NXF3: variants seen among roughly 807,000 people sequenced by gnomAD.
NXF3 encodes the protein nuclear RNA export factor 3, also known as TAP-like protein 3.
In NXF3, 34 loss-of-function variants were observed where a neutral mutation model predicts 48.4. The observed-to-expected ratio is 0.70, with a 90% CI of 0.53 to 0.93. NXF3 has a LOEUF of 0.93. NXF3 is among the 40% of genes least tolerant of loss of function. The pLI, the probability that NXF3 is intolerant of heterozygous loss-of-function variation, is 0.00. For missense variants in NXF3, 359 were observed against 406.1 expected (o/e 0.88, Z 1.00); for synonymous variants, 132 against 145.7 (o/e 0.91, Z 0.68).
At chrX:103,091,627 C>T (rs1351117166) in intron 1 of NXF3, among the ~76,000 whole-genome samples, 1 of 110,158 alleles carries the variant, frequency 9.1e-6, no homozygotes, top group Non-Finnish European at 1.9e-5. Flanking sequence ...GACAACTGTA[C>T]TTATTTACCT....
intron 16 of NXF3, 24 bp downstream of exon 16, chrX:103,079,197 G>A: frequency 8.3e-7 from 1 of 1,205,868 alleles, no homozygotes; most frequent in Non-Finnish European, 1.1e-6. Context: ...GGGGATCTGG[G>A]GAAGGGACTC....
At chrX:103,087,864 T>C (rs1922190766) in intron 1 of NXF3, 1 of 978,536 alleles carries the variant, frequency 1.0e-6, no homozygotes, top group Non-Finnish European at 1.4e-6. Flanking sequence ...AAAAAGGTTT[T>C]AAGATTCAAA....
intron 1 of NXF3, among the ~76,000 whole-genome samples, chrX:103,086,631 C>A (rs1922162010): frequency 9.3e-6 from 1 of 107,777 alleles, no homozygotes; most frequent in African/African-American, 3.4e-5. Flanking sequence ...AGAAATTAAA[C>A]TTAAGTATTC....
At chrX:103,080,460 G>A (rs979768244) in intron 10 of NXF3, 116 bp downstream of exon 10, 1 of 779,531 alleles carries the variant, frequency 1.3e-6, no homozygotes, top group African/African-American at 2.1e-5. Flanking sequence ...CCACTCCCTT[G>A]AGGTTTAAGG....
intron 9 of NXF3, 98 bp downstream of exon 9, chrX:103,082,157 C>T: frequency 1.7e-6 from 1 of 576,760 alleles, no homozygotes. Flanking sequence ...AGGAGAGGGT[C>T]TGTGGTCCTC....
At chrX:103,091,242 A>C (rs1369290824) in intron 1 of NXF3, among the ~76,000 whole-genome samples, 2 of 111,600 alleles carry the variant, frequency 1.8e-5, no homozygotes, top group Non-Finnish European at 3.8e-5. Context: ...GCTGTTTCAT[A>C]TTGAAAGTTG....
Position 103,079,463 on chromosome X carries a change from C to A in NXF3, c.1231G>T (p.Glu411Ter), listed in dbSNP as rs777265449. 1.3e-5 allele frequency: 16 copies of A among 1,208,963 alleles called. No homozygotes were observed. Among genetic ancestry groups the A allele is most frequent in the Non-Finnish European group, 1.8e-5 (16 of 893,249 alleles). ...KILKDPYLRG[E>*]LLKHTKLDIV... ...TCAAGTTTTGTGTGCTTCAGCAGCT[C>A]CCCCCGAAGGTCTGTAGAGGAGAAG... The change falls in exon 15 of 20, where the codon GAG (glutamate) becomes TAG (stop). Residue 411 changes from glutamate to a stop codon, truncating the protein, a stop_gained. Coordinates refer to ENST00000395065, the MANE Select transcript of NXF3 (RefSeq NM_022052.2). LOFTEE classifies it high-confidence loss of function.
intron 1 of NXF3, chrX:103,088,352 C>T (rs1040733407): frequency 1.1e-5 from 6 of 542,039 alleles, no homozygotes; most frequent in Non-Finnish European, 1.9e-5. Flanking sequence ...TTTGTGGGTT[C>T]TCTTGGCAAA....
intron 1 of NXF3, chrX:103,088,242 A>G: frequency 1.5e-6 from 1 of 682,790 alleles, no homozygotes; most frequent in South Asian, 2.5e-5. Flanking sequence ...GTAAAAAATT[A>G]GATAACTTTT....
rs757095152 is a variant in NXF3, at chrX:103,082,333, T to C, written c.812A>G (p.Lys271Arg). 4.1e-6 allele frequency: 5 copies of C among 1,208,073 alleles called. No homozygotes were observed. The South Asian group carries it at 7.1e-5, about 17-fold the overall frequency. The change falls in exon 9 of 20, where the codon AAA becomes AGA. Residue 271 changes from lysine (K) to arginine (R), a missense_variant. Coordinates refer to ENST00000395065, the MANE Select transcript of NXF3 (RefSeq NM_022052.2). The part of the protein sequence containing the change: ...VMSAGEMDKW[K>R]GIEPGEKCAD... ...ACACTTCTCTCCTGGCTCTATCCCT[T>C]TCCACTTGTCCATCTCCCCTGCAGA... is the stretch of plus-strand genomic sequence containing the variant.
chrX:103,090,779 C>T (rs12557758), intron 1 of NXF3, among the ~76,000 whole-genome samples: 28,563 of 110,823 alleles, frequency 0.26, 3,153 homozygotes, highest in Middle Eastern at 0.43. Flanking sequence ...AGAGATGAAA[C>T]ATGGCAGTCT....
chrX:103,077,622 G>C lies in NXF3; in HGVS notation c.1576C>G (p.Gln526Glu). The change falls in exon 18 of 20, where the codon CAG becomes GAG. Residue 526 changes from glutamine to glutamate, a missense_variant. Physicochemically the swap from Gln to Glu is conservative, Grantham distance 29. Transcript: ENST00000395065. ...GCAGAGAAAACCTGTACCATTTTCT[G>C]CTGCTCCTGGGAGAAGGCAGGCACG... ...SSVPAFSQEQQKMLPS is the reference protein window; with the variant it reads ...SSVPAFSQEQEKMLPS 8.3e-7 allele frequency: 1 copy of C among 1,210,737 alleles called. No homozygotes were observed. Among genetic ancestry groups the C allele is most frequent in the Non-Finnish European group, 1.1e-6 (1 of 894,974 alleles).
intron 1 of NXF3, chrX:103,088,598 GA>G: frequency 1.0e-6 from 1 of 999,655 alleles, no homozygotes; most frequent in Non-Finnish European, 1.4e-6. Flanking sequence ...AGTTCCAAGG[GA>G]AAACATACGT....
chrX:103,082,141 G>T (rs778611250), intron 9 of NXF3, 114 bp downstream of exon 9: 2 of 550,238 alleles, frequency 3.6e-6, no homozygotes, highest in South Asian at 4.9e-5. Context: ...AGTGGGGCGA[G>T]GGGGAAGGAG....
intron 19 of NXF3, 99 bp from the exon 20 acceptor site, chrX:103,076,099 G>T: frequency 2.1e-6 from 1 of 471,102 alleles, no homozygotes; most frequent in East Asian, 3.6e-5. Context: ...AGGTCAGTCT[G>T]TGTGAGGGCC....
intron 3 of NXF3, among the ~76,000 whole-genome samples, 179 bp from the exon 4 acceptor site, chrX:103,083,871 T>C (rs901628888): frequency 1.8e-4 from 20 of 112,389 alleles, no homozygotes; most frequent in African/African-American, 6.2e-4. Flanking sequence ...ATATCTATTA[T>C]TTCTAACCAA....
At chrX:103,080,869 GGGCTCT>G in intron 9 of NXF3, 1 of 393,769 alleles carries the variant, frequency 2.5e-6, no homozygotes, top group Non-Finnish European at 4.5e-6. Context: ...TGGGAGCCCA[GGGCTCT>G]GCTACCTCAC....
intron 10 of NXF3, among the ~76,000 whole-genome samples, 176 bp from the exon 11 acceptor site, chrX:103,080,392 G>A (rs1390260448): frequency 9.0e-6 from 1 of 111,729 alleles, no homozygotes; most frequent in Non-Finnish European, 1.9e-5. Flanking sequence ...TTGTGAACCT[G>A]TGTGAAGAAG....
At position 103,084,510 on chromosome X, in the gene NXF3, A is replaced by C; in HGVS notation, c.198-15T>G. 8.3e-7 allele frequency: 1 copy of C among 1,210,049 alleles called. No individual in the cohort carries two copies. The highest frequency in any genetic ancestry group is 1.1e-6 in the Non-Finnish European group (1 of 893,994). Reference sequence around the variant, plus strand: ...TATAGGGAGTGCTGTGAGCAAGTGGAGAAAAGGTAGTTCACATATGCTCCG... The same window carrying C: ...TATAGGGAGTGCTGTGAGCAAGTGGCGAAAAGGTAGTTCACATATGCTCCG... On this transcript the variant is annotated splice_polypyrimidine_tract_variant and intron_variant, in intron 2 of 19. Coordinates refer to ENST00000395065, the MANE Select transcript of NXF3 (RefSeq NM_022052.2).
Sources: gnomAD v4.1 joint callset for allele counts (sites outside exome capture counted in the v4.1 genomes callset) on GRCh38, gnomAD v4.1.1 for gene constraint, MANE v1.5 for transcripts, NCBI Gene and HGNC (gene_info 2026-07-23, HGNC 2026-07-21) for gene names.